ARHGEF10: variants seen among roughly 807,000 people sequenced by gnomAD.
ARHGEF10 encodes the protein Rho guanine nucleotide exchange factor 10.
ARHGEF10 carries 140 observed loss-of-function variants against 147.4 expected under a neutral mutation model. The observed-to-expected ratio is 0.95, with a 90% CI of 0.83 to 1.09. The LOEUF (loss-of-function observed/expected upper bound fraction) is 1.09, where lower values mean the gene tolerates loss of function less well. Among genes scored for constraint, ARHGEF10 ranks in the 50% least tolerant of loss-of-function variants. The pLI, the probability that ARHGEF10 is intolerant of heterozygous loss-of-function variation, is 0.00. For synonymous variants in ARHGEF10, 902 were observed against 695.8 expected, an observed-to-expected ratio of 1.30 and a Z score of -4.67; for missense variants, 2,222 against 1,752.7, an observed-to-expected ratio of 1.27 and a Z score of -4.78.
chr8:1,925,202 C>G (rs909154478), intron 21 of ARHGEF10, 81 bp from the exon 22 acceptor site: 2 of 1,579,256 alleles, frequency 1.3e-6, no homozygotes, highest in Non-Finnish European at 8.7e-7. Flanking sequence ...GAAACTTCCC[C>G]TGCTATGACC....
chr8:1,873,840 G>T (rs1807398573), intron 7 of ARHGEF10, among the ~76,000 whole-genome samples: 1 of 151,798 alleles, frequency 6.6e-6, no homozygotes, highest in Non-Finnish European at 1.5e-5. Context: ...AGATGTTACA[G>T]AGGCCACACA....
rs562690038 is a variant in ARHGEF10 at position 1,841,729 on chromosome 8, G to C, written c.-47-1624G>C. Among the ~76,000 whole-genome samples, 10 of 152,202 alleles carry C rather than the reference G, an allele frequency of 6.6e-5. No homozygotes were observed. The East Asian group carries it at 1.8e-3, about 27-fold the overall frequency. ...CGTGTTAACAGATGAGACAATCGCA[G>C]CTGCTGCTCGTGGGGAGCCCCAGTG... is the stretch of plus-strand genomic sequence containing the variant. On this transcript the variant is annotated intron_variant, in intron 1 of 28. Transcript: ENST00000349830.
In ARHGEF10 at chr8:1,869,246, A is replaced by C; in HGVS notation, c.675A>C (p.Glu225Asp). The change falls in exon 7 of 29, where the codon GAA (glutamate) becomes GAC (aspartate). Residue 225 changes from glutamate (E) to aspartate (D), a missense_variant. Glu to Asp is a conservative substitution (Grantham distance 45, BLOSUM62 2). Transcript: ENST00000349830. ...TTCCAAGGGAAAACTCAGACTCTGA[A>C]CCAGGTTTGATTTTGTCTGGAATTG... ...DDVPRENSDSEPDEMIYDDVE... is the reference protein window; with the variant it reads ...DDVPRENSDSDPDEMIYDDVE... 1 of 1,613,806 alleles carries C rather than the reference A, an allele frequency of 6.2e-7. No homozygotes were observed. The highest frequency in any genetic ancestry group is 1.1e-5 in the South Asian group (1 of 91,072).
chr8:1,918,208 G>A (rs117657349), intron 18 of ARHGEF10, among the ~76,000 whole-genome samples: 1 of 152,340 alleles, frequency 6.6e-6, no homozygotes, highest in East Asian at 1.9e-4. Flanking sequence ...TTCTTGGGAT[G>A]TGAGTGCAGA....
intron 7 of ARHGEF10, among the ~76,000 whole-genome samples, chr8:1,873,903 T>G (rs145014802): frequency 5.3e-4 from 80 of 152,266 alleles, no homozygotes; most frequent in African/African-American, 1.8e-3. Context: ...AAATATTCCT[T>G]TCGGTCAGTT....
chr8:1,888,154 CGAGGGTTGCGAGGAGACAGTGAGTGGGGT>C (rs1404321827), intron 11 of ARHGEF10, among the ~76,000 whole-genome samples: 2,032 of 30,380 alleles, frequency 0.067, 284 homozygotes, highest in East Asian at 0.16. Context: ...CTTAGTGGGG[CGAGGGTTGCGAGGAGACAGTGAGTGGGGT>C]GAGGGTTTGC....
Position 1,945,543 on chromosome 8 carries a change from C to T in ARHGEF10, c.3285C>T (p.Val1095=), listed in dbSNP as rs566893320. 33 of 1,614,166 alleles carry T rather than the reference C, an allele frequency of 2.0e-5. 1 individual carries two copies. The highest frequency in any genetic ancestry group is 4.4e-5 in the South Asian group (4 of 91,074). The change falls in exon 27 of 29, where the codon GTC becomes GTT. Residue 1095 remains valine, a synonymous_variant. Transcript: ENST00000349830. ...TCTCCCACATGGCCGTGTCCGGCGT[C>T]GGGATCTGGATTGCCTTCACCTCAG... ...MVISHMAVSG[V]GIWIAFTSGS... is the part of the protein sequence containing the mutation.
intron 13 of ARHGEF10, among the ~76,000 whole-genome samples, chr8:1,895,426 A>G (rs926246962): frequency 3.9e-5 from 6 of 152,188 alleles, no homozygotes; most frequent in African/African-American, 1.2e-4. Flanking sequence ...GTTTTCCTAT[A>G]TAGTTTGTAT....
intron 14 of ARHGEF10, among the ~76,000 whole-genome samples, chr8:1,897,510 T>C (rs1403526252): frequency 2.0e-5 from 3 of 149,760 alleles, no homozygotes; most frequent in Non-Finnish European, 3.0e-5. Context: ...TGGACAGCTG[T>C]GGGCTCTGTC....
chr8:1,869,536 G>A (rs1222635388), intron 7 of ARHGEF10: 4 of 555,100 alleles, frequency 7.2e-6, no homozygotes, highest in Non-Finnish European at 1.3e-5. Context: ...CACAGAGGCT[G>A]AGAAGCAGCA....
chr8:1,824,147 C>T (rs1372428170), intron 1 of ARHGEF10, 34 bp downstream of exon 1: 1 of 152,190 alleles, frequency 6.6e-6, no homozygotes, highest in Non-Finnish European at 1.5e-5. Flanking sequence ...TGGGTCCCCT[C>T]GCGGGCTTCT....
chr8:1,950,843 G>C (rs569272266), intron 27 of ARHGEF10, among the ~76,000 whole-genome samples: 3 of 149,878 alleles, frequency 2.0e-5, no homozygotes, highest in African/African-American at 7.4e-5. Flanking sequence ...GCCTCCCAAA[G>C]TGCTGGGATT....
chr8:1,890,600 G>A (rs1247780432), intron 11 of ARHGEF10, among the ~76,000 whole-genome samples: 1 of 136,812 alleles, frequency 7.3e-6, no homozygotes, highest in Non-Finnish European at 1.6e-5. Flanking sequence ...AGGAGACACT[G>A]AGTTTGGCGA....
At chr8:1,915,349 C>G (rs192751826) in intron 18 of ARHGEF10, among the ~76,000 whole-genome samples, 1 of 152,170 alleles carries the variant, frequency 6.6e-6, no homozygotes, top group African/African-American at 2.4e-5. Context: ...AAAATGTGTC[C>G]ATGAGTTATT....
chr8:1,851,022 G>A (rs1376143072), intron 2 of ARHGEF10, among the ~76,000 whole-genome samples: 1 of 151,984 alleles, frequency 6.6e-6, no homozygotes, highest in African/African-American at 2.4e-5. Context: ...GCTCAGGGTT[G>A]CTAGGGGTTT....
intron 27 of ARHGEF10, among the ~76,000 whole-genome samples, chr8:1,947,426 C>T (rs1015028669): frequency 8.5e-5 from 13 of 152,262 alleles, no homozygotes; most frequent in African/African-American, 3.1e-4. Flanking sequence ...TATCCCTCTC[C>T]GGGTGGGATC....
At chr8:1,895,697 A>G (rs574263748) in intron 13 of ARHGEF10, among the ~76,000 whole-genome samples, 7 of 152,228 alleles carry the variant, frequency 4.6e-5, no homozygotes, top group Non-Finnish European at 8.8e-5. Flanking sequence ...CATTCCTGCT[A>G]TCAATGCCAG....
At chr8:1,925,027 C>T (rs1327822751) in intron 21 of ARHGEF10, among the ~76,000 whole-genome samples, 2 of 152,180 alleles carry the variant, frequency 1.3e-5, no homozygotes, top group African/African-American at 2.4e-5. Flanking sequence ...TTGGGTCCAG[C>T]GTATTCAGGA....
chr8:1,905,540 G>T lies in ARHGEF10; in HGVS notation c.1822-31G>T. On this transcript the variant is annotated intron_variant, in intron 16 of 28. Transcript: ENST00000349830. ...TTTTCTTTTCCGGGTAAACTGAACT[G>T]TGGTCCCTGGGCTGTGTTTTGAATG... 1.2e-6 allele frequency: 2 copies of T among 1,614,126 alleles called. 1 individual carries two copies. The highest frequency in any genetic ancestry group is 2.2e-5 in the South Asian group (2 of 91,080).
Sources: allele counts gnomAD v4.1 joint callset (sites outside exome capture counted in the v4.1 genomes callset), GRCh38; gene constraint gnomAD v4.1.1; transcripts MANE v1.5; gene names NCBI Gene and HGNC (gene_info 2026-07-23, HGNC 2026-07-21).